The following MRPL48 variants were observed in gnomAD, a reference collection of about 807,000 sequenced individuals.
MRPL48 encodes large ribosomal subunit protein mL48.
MRPL48 carries 16 observed loss-of-function variants against 32.9 expected under a neutral mutation model. The observed-to-expected ratio is 0.49, with a 90% CI of 0.33 to 0.74. The LOEUF (loss-of-function observed/expected upper bound fraction) is 0.74. Among genes scored for constraint, MRPL48 ranks in the 30% least tolerant of loss-of-function variants. The pLI is 0.02. For missense variants in MRPL48, 206 were observed against 245.3 expected, an observed-to-expected ratio of 0.84 and a Z score of 1.07; for synonymous variants, 94 against 89.2, an observed-to-expected ratio of 1.05 and a Z score of -0.31.
At chr11:73,803,277 C>T (rs1455117862) in intron 1 of MRPL48, among the ~76,000 whole-genome samples, 14 of 151,156 alleles carry the variant, frequency 9.3e-5, no homozygotes, top group African/African-American at 2.2e-4. Context: ...ACTACAGGCA[C>T]GCACCACCAC....
At chr11:73,836,918 A>G (rs571883162) in intron 4 of MRPL48, among the ~76,000 whole-genome samples, 37 of 152,328 alleles carry the variant, frequency 2.4e-4, no homozygotes, top group African/African-American at 7.5e-4. Flanking sequence ...AGTGCACTTT[A>G]TATAGCATCA....
chr11:73,805,308 T>C (rs28414133), intron 2 of MRPL48, among the ~76,000 whole-genome samples: 1 of 136,998 alleles, frequency 7.3e-6, no homozygotes, highest in Non-Finnish European at 1.6e-5. Context: ...TTTTTTTTTT[T>C]CTTTTTGAGA....
intron 1 of MRPL48, among the ~76,000 whole-genome samples, chr11:73,796,766 G>T (rs1039512688): frequency 6.6e-6 from 1 of 152,116 alleles, no homozygotes; most frequent in African/African-American, 2.4e-5. Context: ...TCCCTCTGAG[G>T]CTCATAAAAA....
At position 73,805,010 on chromosome 11, in the gene MRPL48, T is replaced by G; in HGVS notation, c.22-17T>G. 1 of 1,583,342 alleles carries G rather than the reference T, an allele frequency of 6.3e-7. No homozygotes were observed. Among genetic ancestry groups the G allele is most frequent in the Non-Finnish European group, 8.6e-7 (1 of 1,163,390 alleles). On this transcript the variant is annotated splice_polypyrimidine_tract_variant and intron_variant, in intron 1 of 7. Coordinates refer to ENST00000310614, the MANE Select transcript of MRPL48 (RefSeq NM_016055.6). The stretch of plus-strand genomic sequence containing the variant: ...ATAAATGCTTAAGATTGTCCTAACA[T>G]GGCTGTTTTGCTGTAGGTGCTGTGC...
chr11:73,814,868 G>A (rs903472334), intron 3 of MRPL48, among the ~76,000 whole-genome samples: 4 of 148,440 alleles, frequency 2.7e-5, no homozygotes, highest in African/African-American at 5.0e-5. Flanking sequence ...GTGGTCACAC[G>A]CCCATAATCC....
chr11:73,810,555 C>CT lies in MRPL48; in HGVS notation c.112+2208dup, dbSNP rs141775960. On this transcript the variant is annotated intron_variant, in intron 3 of 7. Coordinates refer to ENST00000310614, the MANE Select transcript of MRPL48 (RefSeq NM_016055.6). ...AAAAAGAAATAAGGATGTTTTCTTT[C>CT]TTTATTTTTTTTTTTTTATTGTAAT... is the stretch of plus-strand genomic sequence containing the variant. Among the ~76,000 whole-genome samples the CT allele has an allele frequency of 6.6e-3, 753 of 114,674 alleles. 8 individuals are homozygous for CT. Among genetic ancestry groups the CT allele is most frequent in the African/African-American group, 0.031 (687 of 22,404 alleles). The allele number at this position is 114,674 out of a possible 152,430, so 75.2% of individuals were successfully genotyped here.
intron 5 of MRPL48, among the ~76,000 whole-genome samples, chr11:73,848,052 C>T (rs1039012261): frequency 2.0e-4 from 30 of 152,128 alleles, no homozygotes; most frequent in Non-Finnish European, 3.5e-4. Context: ...TCTAAGAAAT[C>T]TTTGCCTGAC....
chr11:73,845,197 G>A (rs1336625920), intron 5 of MRPL48: 1 of 378,322 alleles, frequency 2.6e-6, no homozygotes, highest in Non-Finnish European at 4.6e-6. Context: ...TCAAGTCCCT[G>A]GCAACCACAG....
At chr11:73,829,628 C>G (rs1455201278) in intron 4 of MRPL48, among the ~76,000 whole-genome samples, 1 of 152,222 alleles carries the variant, frequency 6.6e-6, no homozygotes, top group Non-Finnish European at 1.5e-5. Context: ...CCTTGGCCTC[C>G]CAAGTGCTGG....
rs572100628 is a variant in MRPL48, at chr11:73,864,761, A to G, written c.*391A>G. The G allele has an allele frequency of 4.8e-6, 1 of 208,320 alleles. No homozygotes were observed. Among genetic ancestry groups the G allele is most frequent in the South Asian group, 1.3e-4 (1 of 7,930 alleles). 12.9% of individuals were successfully genotyped at this position (208,320 alleles called of 1,614,324 possible). On this transcript the variant is annotated 3_prime_UTR_variant, in exon 8 of 8. Transcript: ENST00000310614. ...TGCTCGAGGCCAGGAGCTTGAGACC[A>G]GCCTGGCAACATTCTGTCTTTACCA...
At chr11:73,853,701 T>C (rs71466367) in intron 5 of MRPL48, among the ~76,000 whole-genome samples, 7,349 of 138,430 alleles carry the variant, frequency 0.053, 149 homozygotes, top group Middle Eastern at 0.096. Flanking sequence ...TTTTTTTTTT[T>C]TTTTTTTGAG....
chr11:73,808,290 A>G, intron 2 of MRPL48, 23 bp from the exon 3 acceptor site: 2 of 1,592,652 alleles, frequency 1.3e-6, no homozygotes, highest in Non-Finnish European at 8.6e-7. Flanking sequence ...ATTGTATTGA[A>G]CATACTTTCT....
At chr11:73,802,957 A>G (rs1477206492) in intron 1 of MRPL48, among the ~76,000 whole-genome samples, 1 of 151,650 alleles carries the variant, frequency 6.6e-6, no homozygotes, top group Admixed American at 6.6e-5. Context: ...TTGGCCTCCC[A>G]AAATGCTTGG....
At chr11:73,797,617 C>G (rs1390985776) in intron 1 of MRPL48, among the ~76,000 whole-genome samples, 1 of 152,254 alleles carries the variant, frequency 6.6e-6, no homozygotes, top group African/African-American at 2.4e-5. Flanking sequence ...GCACCTGCAG[C>G]TGCCCGCCCT....
chr11:73,789,167 A>G (rs1947102836), intron 1 of MRPL48, among the ~76,000 whole-genome samples: 1 of 126,678 alleles, frequency 7.9e-6, no homozygotes, highest in Non-Finnish European at 1.6e-5. Flanking sequence ...CCAAGATAAT[A>G]GAAAAAAAAA....
chr11:73,788,472 CTTTTTTTTTTTTT>C (rs11352308), intron 1 of MRPL48, among the ~76,000 whole-genome samples: 2 of 109,596 alleles, frequency 1.8e-5, no homozygotes, highest in South Asian at 2.9e-4. Flanking sequence ...TCTTTTCTTT[CTTTTTTTTTTTTT>C]TTTTTTTTTG....
At chr11:73,863,796 C>T (rs1478250949) in intron 7 of MRPL48, among the ~76,000 whole-genome samples, 1 of 152,140 alleles carries the variant, frequency 6.6e-6, no homozygotes, top group Non-Finnish European at 1.5e-5. Context: ...TCTTATGACA[C>T]AGATGTATGA....
At chr11:73,790,031 G>C (rs1947119666) in intron 1 of MRPL48, among the ~76,000 whole-genome samples, 1 of 150,416 alleles carries the variant, frequency 6.6e-6, no homozygotes, top group South Asian at 2.1e-4. Flanking sequence ...GAGCAGCGGG[G>C]ATTACAGGTG....
chr11:73,800,240 T>C (rs1301290436), intron 1 of MRPL48, among the ~76,000 whole-genome samples: 3 of 151,562 alleles, frequency 2.0e-5, no homozygotes, highest in South Asian at 2.1e-4. Flanking sequence ...AGATCCGGTC[T>C]CTTAAAAAAA....
Sources: gnomAD v4.1 joint callset for allele counts (sites outside exome capture counted in the v4.1 genomes callset) on GRCh38, gnomAD v4.1.1 for gene constraint, MANE v1.5 for transcripts, NCBI Gene and HGNC (gene_info 2026-07-23, HGNC 2026-07-21) for gene names.